CDH18: variants seen among roughly 807,000 people sequenced by gnomAD.
CDH18 encodes cadherin 18, also known as cadherin-18.
CDH18 carries 31 observed loss-of-function variants against 67.9 expected under a neutral mutation model. That is an observed-to-expected ratio of 0.46 (90% CI 0.34 to 0.62). The LOEUF (loss-of-function observed/expected upper bound fraction) is 0.62. Among genes scored for constraint, CDH18 ranks in the 20% least tolerant of loss-of-function variants. The pLI is 0.01. For synonymous variants in CDH18, 362 were observed against 347.2 expected (o/e 1.04, Z -0.48); for missense variants, 890 against 975.5 (o/e 0.91, Z 1.17).
At chr5:19,569,908 A>C (rs987307082) in intron 8 of CDH18, among the ~76,000 whole-genome samples, 1 of 151,832 alleles carries the variant, frequency 6.6e-6, no homozygotes, top group African/African-American at 2.4e-5. Flanking sequence ...TATTAATAAA[A>C]AATAAATTAA....
chr5:20,265,521 A>G (rs1744966246), intron 1 of CDH18, among the ~76,000 whole-genome samples: 1 of 152,098 alleles, frequency 6.6e-6, no homozygotes, highest in Admixed American at 6.6e-5. Flanking sequence ...GCTCAGGGGC[A>G]ATGTAAAAGA....
At chr5:20,260,949 A>C (rs1252912819) in intron 1 of CDH18, among the ~76,000 whole-genome samples, 1 of 152,182 alleles carries the variant, frequency 6.6e-6, no homozygotes, top group South Asian at 2.1e-4. Flanking sequence ...TGACCAATAC[A>C]TGGTTTAGCC....
intron 1 of CDH18, among the ~76,000 whole-genome samples, chr5:20,306,809 T>C (rs1325119106): frequency 6.6e-6 from 1 of 152,190 alleles, no homozygotes; most frequent in East Asian, 1.9e-4. Flanking sequence ...TATATTACTT[T>C]CCATATTTAT....
intron 2 of CDH18, among the ~76,000 whole-genome samples, chr5:20,075,247 G>C (rs1391490044): frequency 2.0e-5 from 3 of 152,138 alleles, no homozygotes; most frequent in Non-Finnish European, 4.4e-5. Flanking sequence ...GATCACACCT[G>C]TAATCCCAGC....
At chr5:20,139,345 C>T (rs907289502) in intron 2 of CDH18, among the ~76,000 whole-genome samples, 2 of 152,022 alleles carry the variant, frequency 1.3e-5, no homozygotes, top group African/African-American at 4.8e-5. Flanking sequence ...AAATGTTAGA[C>T]CTAAAACCAT....
At chr5:20,287,261 T>C (rs1017060930) in intron 1 of CDH18, among the ~76,000 whole-genome samples, 1 of 151,782 alleles carries the variant, frequency 6.6e-6, no homozygotes, top group African/African-American at 2.4e-5. Context: ...TAATTGGAAT[T>C]GATCCAGAAT....
chr5:19,731,266 G>T (rs1195474239), intron 4 of CDH18, among the ~76,000 whole-genome samples: 1 of 152,066 alleles, frequency 6.6e-6, no homozygotes, highest in Non-Finnish European at 1.5e-5. Flanking sequence ...TGGCTAACAT[G>T]GTGAAACCCT....
At chr5:20,367,634 G>T (rs1281269174) in intron 1 of CDH18, among the ~76,000 whole-genome samples, 1 of 152,186 alleles carries the variant, frequency 6.6e-6, no homozygotes, top group Non-Finnish European at 1.5e-5. Flanking sequence ...TTATCCATAT[G>T]CTAATGTTCC....
intron 4 of CDH18, among the ~76,000 whole-genome samples, chr5:19,742,208 C>T (rs1769305300): frequency 6.6e-6 from 1 of 152,038 alleles, no homozygotes; most frequent in Non-Finnish European, 1.5e-5. Context: ...TAGCGCAGTG[C>T]AATTACTTGG....
At chr5:19,509,194 A>G (rs1242708423) in intron 10 of CDH18, among the ~76,000 whole-genome samples, 2 of 152,074 alleles carry the variant, frequency 1.3e-5, no homozygotes, top group African/African-American at 4.8e-5. Context: ...TCAGAAATAG[A>G]AAACCAAATA....
rs1311513096 is a variant in CDH18, at chr5:19,935,878, A to AT, written c.-257+45181dup. ...CTCAATGCTCATTTCCAAACTTGTG[A>AT]TTTTTTTTTTTGTTCCTGATGTGTT... is the stretch of plus-strand genomic sequence containing the variant. On this transcript the variant is annotated intron_variant, in intron 2 of 12. Transcript: ENST00000382275. Among the ~76,000 whole-genome samples the AT allele has an allele frequency of 1.6e-3, 190 of 116,180 alleles. 1 individual carries two copies. The highest frequency in any genetic ancestry group is 3.6e-3 in the East Asian group (15 of 4,148). 76.2% of individuals were successfully genotyped at this position (116,180 alleles called of 152,430 possible). A position where few individuals can be genotyped will look rare whatever the true frequency, so the allele number is the denominator to read the frequency against.
At chr5:20,405,503 A>T (rs1017379828) in intron 1 of CDH18, among the ~76,000 whole-genome samples, 8 of 152,174 alleles carry the variant, frequency 5.3e-5, no homozygotes, top group Non-Finnish European at 7.4e-5. Flanking sequence ...AACCTAGGCA[A>T]TACCATTCAG....
chr5:19,831,547 A>G (rs962502309), intron 3 of CDH18, among the ~76,000 whole-genome samples: 1 of 152,140 alleles, frequency 6.6e-6, no homozygotes, highest in African/African-American at 2.4e-5. Flanking sequence ...CAAAACCACA[A>G]TAAGACACCA....
At chr5:19,875,607 TATATATAC>T (rs963048228) in intron 2 of CDH18, among the ~76,000 whole-genome samples, 6 of 152,000 alleles carry the variant, frequency 3.9e-5, no homozygotes, top group Non-Finnish European at 7.4e-5. Flanking sequence ...ATAATTTTTA[TATATATAC>T]ATATATACAT....
chr5:19,708,616 C>T lies in CDH18; in HGVS notation c.643+12731G>A, dbSNP rs542161143. Among the ~76,000 whole-genome samples the T allele has an allele frequency of 5.9e-5, 9 of 152,214 alleles. No individual in the cohort carries two copies. The South Asian group carries it at 1.9e-3, about 32-fold the overall frequency. On this transcript the variant is annotated intron_variant, in intron 5 of 12. Transcript: ENST00000382275. ...AGAATCAGGACAAGGAACACCTGGCCCACTCAGGGCAGAAAACCGCTTAAG... is the reference window on the plus strand; with the variant it reads ...AGAATCAGGACAAGGAACACCTGGCTCACTCAGGGCAGAAAACCGCTTAAG...
At chr5:20,040,199 A>T (rs1335372863) in intron 2 of CDH18, among the ~76,000 whole-genome samples, 2 of 152,134 alleles carry the variant, frequency 1.3e-5, no homozygotes, top group African/African-American at 2.4e-5. Context: ...GTCAGGAAAC[A>T]ACAAATGCTG....
intron 2 of CDH18, among the ~76,000 whole-genome samples, chr5:20,101,189 T>C (rs907125365): frequency 6.6e-6 from 1 of 152,106 alleles, no homozygotes; most frequent in Non-Finnish European, 1.5e-5. Flanking sequence ...CTGGAATTTC[T>C]GGGCTCAAGC....
chr5:20,474,976 A>G (rs1458381568), intron 1 of CDH18, among the ~76,000 whole-genome samples: 2 of 152,212 alleles, frequency 1.3e-5, no homozygotes, highest in Admixed American at 6.5e-5. Flanking sequence ...ACTTCCCAGT[A>G]TATTTGAATA....
intron 11 of CDH18, among the ~76,000 whole-genome samples, chr5:19,489,327 A>T (rs1440597307): frequency 6.8e-6 from 1 of 146,414 alleles, no homozygotes; most frequent in African/African-American, 2.6e-5. Flanking sequence ...GGCTCACTGC[A>T]ACCTCCACCT....
Sources: allele counts gnomAD v4.1 joint callset (sites outside exome capture counted in the v4.1 genomes callset), GRCh38; gene constraint gnomAD v4.1.1; transcripts MANE v1.5; gene names NCBI Gene and HGNC (gene_info 2026-07-23, HGNC 2026-07-21).